SLC30A9: variants seen among roughly 807,000 people sequenced by gnomAD.
SLC30A9 encodes proton-coupled zinc antiporter SLC30A9, mitochondrial.
In SLC30A9, 58 loss-of-function variants were observed where a neutral mutation model predicts 87.5. The observed-to-expected ratio is 0.66, with a 90% CI of 0.54 to 0.82. The LOEUF is 0.82. Ranked by LOEUF, SLC30A9 falls within the 40% of genes least tolerant of loss-of-function variation. The pLI, the probability that SLC30A9 is intolerant of heterozygous loss-of-function variation, is 0.00. For synonymous variants in SLC30A9, 234 were observed against 233.0 expected (o/e 1.00, Z -0.04); for missense variants, 557 against 679.1 (o/e 0.82, Z 2.00).
Position 42,087,313 on chromosome 4 carries a change from A to G in SLC30A9, c.*1187A>G, listed in dbSNP as rs1718957064. 2 of 152,238 alleles carry G rather than the reference A, an allele frequency of 1.3e-5. No individual in the cohort carries two copies. Among genetic ancestry groups the G allele is most frequent in the South Asian group, 2.1e-4 (1 of 4,834 alleles). 9.4% of individuals were successfully genotyped at this position (152,238 alleles called of 1,614,324 possible). On this transcript the variant is annotated 3_prime_UTR_variant, in exon 18 of 18. Transcript: ENST00000264451. ...GCAGCTGTCATCATCAAAACAACTC[A>G]TAACATACTTTAAAATGTTCAGGTA...
rs189553606 is a variant in SLC30A9 at position 42,079,600 on chromosome 4, A to G, written c.1662+1275A>G. On this transcript the variant is annotated intron_variant, in intron 17 of 17. Transcript: ENST00000264451. ...ATTACAGGAGTGAGCCACCCCACCC[A>G]GTCACATTTTTTTTTTTTTTTAACT... is the stretch of plus-strand genomic sequence containing the variant. 7.6e-3 allele frequency among the ~76,000 whole-genome samples: 953 copies of G among 124,848 alleles called. 14 individuals carry two copies. The highest frequency in any genetic ancestry group is 0.023 in the African/African-American group (897 of 38,236). 81.9% of individuals were successfully genotyped at this position (124,848 alleles called of 152,430 possible).
intron 14 of SLC30A9, among the ~76,000 whole-genome samples, chr4:42,068,423 AT>A: frequency 6.6e-6 from 1 of 151,696 alleles, no homozygotes; most frequent in South Asian, 2.1e-4. Context: ...TTGTATTTTC[AT>A]TAGAGACGGG....
Position 41,990,647 on chromosome 4 carries a change from C to G in SLC30A9, c.-5C>G. The stretch of plus-strand genomic sequence containing the variant: ...TGTCCGAGTAGGGGCCTCTGCCCCA[C>G]CAGGATGTTACCCGGCTTGGCCGCC... On this transcript the variant is annotated 5_prime_UTR_variant, in exon 1 of 18. Transcript: ENST00000264451. 6.3e-7 allele frequency: 1 copy of G among 1,594,924 alleles called. No homozygotes were observed. Among genetic ancestry groups the G allele is most frequent in the East Asian group, 2.2e-5 (1 of 44,516 alleles).
intron 16 of SLC30A9, 78 bp downstream of exon 16, chr4:42,075,864 T>A: frequency 7.0e-7 from 1 of 1,428,784 alleles, no homozygotes; most frequent in South Asian, 1.4e-5. Context: ...AAATTTTTTT[T>A]TATAGATCTT....
At chr4:42,043,191 C>G (rs757813488) in intron 8 of SLC30A9, among the ~76,000 whole-genome samples, 2 of 152,136 alleles carry the variant, frequency 1.3e-5, no homozygotes, top group Non-Finnish European at 2.9e-5. Context: ...ATCACAACTC[C>G]TCGCCAGCAA....
chr4:42,080,733 CG>C (rs1718717266), intron 17 of SLC30A9, among the ~76,000 whole-genome samples: 1 of 152,138 alleles, frequency 6.6e-6, no homozygotes, highest in Non-Finnish European at 1.5e-5. Flanking sequence ...AATTCCCTCC[CG>C]GTTATGGAGA....
chr4:42,054,692 G>A (rs62302146), intron 9 of SLC30A9, among the ~76,000 whole-genome samples: 98,855 of 151,444 alleles, frequency 0.65, 36,730 homozygotes, highest in East Asian at 0.96. Context: ...GGGTTTCACC[G>A]TGTTAGCCAG....
At chr4:42,010,281 T>A (rs1197436394) in intron 2 of SLC30A9, among the ~76,000 whole-genome samples, 3 of 152,048 alleles carry the variant, frequency 2.0e-5, no homozygotes, top group Admixed American at 6.6e-5. Context: ...GAGACCAGCC[T>A]GGGTAACATG....
At chr4:41,999,092 A>G (rs1246937564) in intron 1 of SLC30A9, among the ~76,000 whole-genome samples, 1 of 152,224 alleles carries the variant, frequency 6.6e-6, no homozygotes, top group Non-Finnish European at 1.5e-5. Flanking sequence ...CAGTTTGAGC[A>G]TTAGTCAGGA....
chr4:42,035,229 C>G, intron 6 of SLC30A9, 46 bp from the exon 7 acceptor site: 2 of 1,546,654 alleles, frequency 1.3e-6, no homozygotes, highest in Non-Finnish European at 1.8e-6. Context: ...TAAACTGTGA[C>G]TGGTAAGAAT....
chr4:41,997,763 C>G (rs1714784740), intron 1 of SLC30A9, among the ~76,000 whole-genome samples: 1 of 152,132 alleles, frequency 6.6e-6, no homozygotes, highest in Non-Finnish European at 1.5e-5. Flanking sequence ...ATTTTAAATT[C>G]ACACTTAATA....
intron 1 of SLC30A9, among the ~76,000 whole-genome samples, chr4:41,993,590 T>C (rs141530055): frequency 0.028 from 4,314 of 152,306 alleles, 105 homozygotes; most frequent in Middle Eastern, 0.071. Context: ...GGCCGAATTT[T>C]TCATAATGAT....
At chr4:42,008,846 ATCC>A (rs1715322805) in intron 2 of SLC30A9, among the ~76,000 whole-genome samples, 4 of 152,186 alleles carry the variant, frequency 2.6e-5, no homozygotes, top group African/African-American at 9.7e-5. Flanking sequence ...CCTAAGCCTC[ATCC>A]TCCCTTTGGG....
intron 3 of SLC30A9, among the ~76,000 whole-genome samples, chr4:42,018,696 C>T (rs903557123): frequency 1.3e-5 from 2 of 152,168 alleles, no homozygotes; most frequent in Non-Finnish European, 2.9e-5. Flanking sequence ...TTTGTGGCTC[C>T]AGTGCTTACC....
intron 2 of SLC30A9, among the ~76,000 whole-genome samples, chr4:42,016,819 ATCTATCTATCTG>A (rs1715742975): frequency 1.3e-5 from 2 of 151,136 alleles, no homozygotes; most frequent in African/African-American, 4.9e-5. Context: ...CTATCTATCT[ATCTATCTATCTG>A]TTCTCTTGCT....
chr4:42,018,796 A>C (rs760739299), intron 3 of SLC30A9, among the ~76,000 whole-genome samples: 1 of 152,140 alleles, frequency 6.6e-6, no homozygotes, highest in Admixed American at 6.5e-5. Flanking sequence ...CTTCTTTTCT[A>C]GGGTAACTTT....
intron 2 of SLC30A9, among the ~76,000 whole-genome samples, chr4:42,007,295 T>TA (rs1057480581): frequency 6.6e-6 from 1 of 152,192 alleles, no homozygotes; most frequent in Non-Finnish European, 1.5e-5. Context: ...CATTGATTTC[T>TA]AAAATTAGGA....
At chr4:42,024,780 C>A (rs1716116845) in intron 6 of SLC30A9, among the ~76,000 whole-genome samples, 1 of 152,108 alleles carries the variant, frequency 6.6e-6, no homozygotes, top group Non-Finnish European at 1.5e-5. Context: ...GATGGTACCT[C>A]GTTTAATTTT....
chr4:42,063,536 A>G (rs1717953913), intron 11 of SLC30A9, among the ~76,000 whole-genome samples: 1 of 152,174 alleles, frequency 6.6e-6, no homozygotes, highest in African/African-American at 2.4e-5. Flanking sequence ...CTTTTCCCGC[A>G]TCCTGGGCTT....
Sources: gnomAD v4.1 joint callset for allele counts (sites outside exome capture counted in the v4.1 genomes callset) on GRCh38, gnomAD v4.1.1 for gene constraint, MANE v1.5 for transcripts, NCBI Gene and HGNC (gene_info 2026-07-23, HGNC 2026-07-21) for gene names.